The following KCNJ6 variants were observed in gnomAD, a reference collection of about 807,000 sequenced individuals.
KCNJ6 encodes G protein-activated inward rectifier potassium channel 2.
A neutral mutation model predicts 34.2 loss-of-function variants in KCNJ6; 9 were observed. The observed-to-expected ratio is 0.26, with a 90% CI of 0.16 to 0.46. The LOEUF (loss-of-function observed/expected upper bound fraction) is 0.46, where lower values mean the gene tolerates loss of function less well. Ranked by LOEUF, KCNJ6 falls within the 20% of genes least tolerant of loss-of-function variation. The pLI, the probability that KCNJ6 is intolerant of heterozygous loss-of-function variation, is 1.00. For synonymous variants in KCNJ6, 196 were observed against 207.1 expected, an observed-to-expected ratio of 0.95 and a Z score of 0.46; for missense variants, 236 against 531.3, an observed-to-expected ratio of 0.44 and a Z score of 5.46.
At chr21:37,679,105 G>A (rs183331163) in intron 3 of KCNJ6, among the ~76,000 whole-genome samples, 8 of 152,272 alleles carry the variant, frequency 5.3e-5, no homozygotes, top group South Asian at 2.1e-4. Context: ...AGATGTCCAC[G>A]TAGCAAGGAA....
chr21:37,906,482 A>C (rs1434785745), intron 1 of KCNJ6, among the ~76,000 whole-genome samples: 3 of 152,202 alleles, frequency 2.0e-5, no homozygotes, highest in African/African-American at 7.2e-5. Context: ...AGTGCATCAG[A>C]ATCCCTGGAG....
chr21:37,660,364 G>A (rs560118681), intron 3 of KCNJ6, among the ~76,000 whole-genome samples: 2 of 152,174 alleles, frequency 1.3e-5, no homozygotes, highest in Non-Finnish European at 2.9e-5. Context: ...GGCATCATGT[G>A]CCCCAGGCTG....
At chr21:37,908,780 T>C (rs974514851) in intron 1 of KCNJ6, among the ~76,000 whole-genome samples, 1 of 152,236 alleles carries the variant, frequency 6.6e-6, no homozygotes, top group African/African-American at 2.4e-5. Flanking sequence ...AAATATTGTC[T>C]CTACCAGGAA....
At chr21:37,807,069 T>C (rs2055297158) in intron 2 of KCNJ6, among the ~76,000 whole-genome samples, 1 of 152,248 alleles carries the variant, frequency 6.6e-6, no homozygotes, top group Non-Finnish European at 1.5e-5. Context: ...TCAATTTCTT[T>C]CTCCATTTTC....
At chr21:37,836,467 T>C (rs113520820) in intron 2 of KCNJ6, among the ~76,000 whole-genome samples, 2 of 152,300 alleles carry the variant, frequency 1.3e-5, no homozygotes, top group African/African-American at 4.8e-5. Flanking sequence ...CTGTTCACAA[T>C]AGCAAAGACT....
At chr21:37,625,505 G>T in intron 3 of KCNJ6, 21 bp from the exon 4 acceptor site, 1 of 1,582,132 alleles carries the variant, frequency 6.3e-7, no homozygotes, top group African/African-American at 1.3e-5. Flanking sequence ...AAGAATGGAG[G>T]CTTTAGCATA....
chr21:37,736,892 G>A (rs553905973), intron 2 of KCNJ6, among the ~76,000 whole-genome samples: 57 of 152,298 alleles, frequency 3.7e-4, no homozygotes, highest in African/African-American at 1.3e-3. Flanking sequence ...TGGAGGCACC[G>A]TCCTTAATAA....
intron 1 of KCNJ6, among the ~76,000 whole-genome samples, chr21:37,905,966 G>A (rs1324384988): frequency 6.6e-6 from 1 of 152,158 alleles, no homozygotes; most frequent in African/African-American, 2.4e-5. Flanking sequence ...ACTGCATGAA[G>A]GTCTGCTGTG....
intron 2 of KCNJ6, among the ~76,000 whole-genome samples, chr21:37,754,285 A>C (rs930893749): frequency 2.6e-5 from 4 of 152,220 alleles, no homozygotes; most frequent in Non-Finnish European, 5.9e-5. Flanking sequence ...AGTACTGTGA[A>C]TCTCAAGTGC....
rs570267514 is a variant in KCNJ6 at position 37,809,075 on chromosome 21, C to T, written c.25+31583G>A. ...ATGCTGCTATAAAGACACATGCACACATATGTTTATTGCGGCACTATTCAC... is the reference window on the plus strand; with the variant it reads ...ATGCTGCTATAAAGACACATGCACATATATGTTTATTGCGGCACTATTCAC... On this transcript the variant is annotated intron_variant, in intron 2 of 3. Coordinates refer to ENST00000609713, the MANE Select transcript of KCNJ6 (RefSeq NM_002240.5). Among the ~76,000 whole-genome samples, 882 of 152,312 alleles carry T rather than the reference C, an allele frequency of 5.8e-3. 3 individuals carry two copies. Among genetic ancestry groups the T allele is most frequent in the Non-Finnish European group, 9.4e-3 (641 of 68,018 alleles).
intron 2 of KCNJ6, among the ~76,000 whole-genome samples, chr21:37,720,539 C>T (rs912163861): frequency 7.9e-5 from 12 of 152,196 alleles, no homozygotes; most frequent in South Asian, 4.2e-4. Context: ...GGGCTGGGGG[C>T]GCTGTCACAG....
At position 37,701,083 on chromosome 21, in the gene KCNJ6, G is replaced by T. The variant is rs141319653; in HGVS notation, c.946+13128C>A. Among the ~76,000 whole-genome samples, 353 of 152,328 alleles carry T rather than the reference G, an allele frequency of 2.3e-3. 2 individuals are homozygous for T. The highest frequency in any genetic ancestry group is 8.0e-3 in the African/African-American group (334 of 41,566). ...GGGACTTGAGAGCCACCCCAATGGA[G>T]ATGCCCAGGAGGACACAGCTGCCTG... is the stretch of plus-strand genomic sequence containing the variant. On this transcript the variant is annotated intron_variant, in intron 3 of 3. Transcript: ENST00000609713.
chr21:37,728,958 G>A (rs1037468545), intron 2 of KCNJ6, among the ~76,000 whole-genome samples: 1 of 152,276 alleles, frequency 6.6e-6, no homozygotes, highest in South Asian at 2.1e-4. Flanking sequence ...TCATGTGAAG[G>A]TGAGCTGGTT....
chr21:37,796,261 G>A (rs905002365), intron 2 of KCNJ6, among the ~76,000 whole-genome samples: 8 of 152,160 alleles, frequency 5.3e-5, no homozygotes, highest in East Asian at 3.9e-4. Context: ...AACAGCCTTC[G>A]CTCTGCCTGT....
Position 37,610,930 on chromosome 21 carries a change from G to A in KCNJ6, c.*14229C>T, listed in dbSNP as rs899484109. On this transcript the variant is annotated 3_prime_UTR_variant, in exon 4 of 4. Transcript: ENST00000609713. ...TCATTTAAGTTTCCATTTTAAAAAAGTAGAAAAAAAGAGCAAATTAAACCC... is the reference window on the plus strand; with the variant it reads ...TCATTTAAGTTTCCATTTTAAAAAAATAGAAAAAAAGAGCAAATTAAACCC... 2.0e-5 allele frequency: 3 copies of A among 151,692 alleles called. No homozygotes were observed. Among genetic ancestry groups the A allele is most frequent in the African/African-American group, 7.3e-5 (3 of 41,278 alleles). 9.4% of individuals were successfully genotyped at this position (151,692 alleles called of 1,614,324 possible).
At chr21:37,772,103 C>T (rs1056396284) in intron 2 of KCNJ6, among the ~76,000 whole-genome samples, 11 of 152,062 alleles carry the variant, frequency 7.2e-5, no homozygotes, top group African/African-American at 2.7e-4. Context: ...TTTACTTCAC[C>T]CATAGTGACT....
At chr21:37,774,057 C>A (rs2055130292) in intron 2 of KCNJ6, among the ~76,000 whole-genome samples, 1 of 152,116 alleles carries the variant, frequency 6.6e-6, no homozygotes, top group African/African-American at 2.4e-5. Context: ...CTGGCCTGAC[C>A]CTGAAGATGG....
intron 3 of KCNJ6, among the ~76,000 whole-genome samples, chr21:37,707,326 C>T (rs962264733): frequency 6.6e-6 from 1 of 152,166 alleles, no homozygotes; most frequent in African/African-American, 2.4e-5. Context: ...CTCCTGTCCC[C>T]GCAAAGCTTT....
At chr21:37,626,130 C>CTTTTTTTTTTTTTTT (rs10649366) in intron 3 of KCNJ6, among the ~76,000 whole-genome samples, 1 of 143,042 alleles carries the variant, frequency 7.0e-6, no homozygotes. Flanking sequence ...TTTCCCCCTT[C>CTTTTTTTTTTTTTTT]TTTTTTTTTT....
Sources: gnomAD v4.1 joint callset for allele counts (sites outside exome capture counted in the v4.1 genomes callset) on GRCh38, gnomAD v4.1.1 for gene constraint, MANE v1.5 for transcripts, NCBI Gene and HGNC (gene_info 2026-07-23, HGNC 2026-07-21) for gene names.